AK7: variants seen among roughly 807,000 people sequenced by gnomAD.
AK7 encodes ATP-AMP transphosphorylase 7.
Under a neutral mutation model 96.6 loss-of-function variants are expected in AK7, and 78 were observed. The ratio of observed to expected loss-of-function variants is 0.81; its 90% CI spans 0.67 to 0.97. The LOEUF is 0.97. Ranked by LOEUF, AK7 falls within the 50% of genes least tolerant of loss-of-function variation. AK7 has a pLI of 0.00. For missense variants in AK7, 855 were observed against 887.9 expected, an observed-to-expected ratio of 0.96 and a Z score of 0.47; for synonymous variants, 302 against 317.2, an observed-to-expected ratio of 0.95 and a Z score of 0.51.
intron 4 of AK7, among the ~76,000 whole-genome samples, chr14:96,418,421 G>C (rs1394091073): frequency 2.0e-5 from 3 of 151,146 alleles, no homozygotes; most frequent in Non-Finnish European, 4.4e-5. Context: ...TGATAATCTG[G>C]CTCTCACCTA....
intron 14 of AK7, among the ~76,000 whole-genome samples, chr14:96,478,183 A>C (rs1437944405): frequency 1.2e-5 from 1 of 84,564 alleles, no homozygotes; most frequent in South Asian, 4.2e-4. Context: ...GGACAGAGGG[A>C]GGGCGGGGGA....
intron 12 of AK7, among the ~76,000 whole-genome samples, chr14:96,460,912 CCT>C (rs1339133129): frequency 6.6e-6 from 1 of 152,222 alleles, no homozygotes; most frequent in Non-Finnish European, 1.5e-5. Context: ...CTCCTCCTCC[CCT>C]CCACCAGATC....
intron 3 of AK7, among the ~76,000 whole-genome samples, chr14:96,408,183 A>G (rs953894004): frequency 6.6e-6 from 1 of 152,158 alleles, no homozygotes; most frequent in Non-Finnish European, 1.5e-5. Context: ...TTCACTGAAC[A>G]GGGTTGCCTT....
chr14:96,457,995 G>A, intron 11 of AK7, 88 bp from the exon 12 acceptor site: 1 of 1,557,404 alleles, frequency 6.4e-7, no homozygotes, highest in Non-Finnish European at 8.7e-7. Flanking sequence ...TGGATCCCAA[G>A]CTTTTTCCAG....
chr14:96,422,031 CA>C (rs1891732537), intron 5 of AK7, among the ~76,000 whole-genome samples: 1 of 152,166 alleles, frequency 6.6e-6, no homozygotes, highest in Admixed American at 6.5e-5. Flanking sequence ...AAGCTGGGTC[CA>C]GGGGGGTCAC....
At chr14:96,458,288 T>G in intron 12 of AK7, 76 bp downstream of exon 12, 3 of 1,537,520 alleles carry the variant, frequency 2.0e-6, no homozygotes, top group Non-Finnish European at 2.6e-6. Context: ...TATAAAAGAC[T>G]GTTTAAAAAA....
intron 14 of AK7, among the ~76,000 whole-genome samples, chr14:96,476,906 G>A (rs1351661254): frequency 6.6e-6 from 1 of 152,158 alleles, no homozygotes; most frequent in Non-Finnish European, 1.5e-5. Flanking sequence ...TAACAAATGA[G>A]TATCATGTTA....
At chr14:96,419,251 A>G (rs1177535275) in intron 4 of AK7, among the ~76,000 whole-genome samples, 1 of 152,210 alleles carries the variant, frequency 6.6e-6, no homozygotes, top group Non-Finnish European at 1.5e-5. Flanking sequence ...TGCACATGCA[A>G]TGTCCTTTTT....
chr14:96,451,349 T>A (rs1893590497), intron 9 of AK7, 72 bp from the exon 10 acceptor site: 1 of 1,314,520 alleles, frequency 7.6e-7, no homozygotes, highest in African/African-American at 1.5e-5. Flanking sequence ...ATAACTGTAG[T>A]GATTTTGGTC....
At chr14:96,453,671 G>T (rs1392640094) in intron 10 of AK7, among the ~76,000 whole-genome samples, 1 of 152,180 alleles carries the variant, frequency 6.6e-6, no homozygotes, top group Non-Finnish European at 1.5e-5. Flanking sequence ...GGCTCCCAGT[G>T]TCCATCTGCT....
At chr14:96,447,636 T>C (rs1893321083) in intron 8 of AK7, among the ~76,000 whole-genome samples, 1 of 151,990 alleles carries the variant, frequency 6.6e-6, no homozygotes, top group Non-Finnish European at 1.5e-5. Flanking sequence ...TTGTTTTTAA[T>C]GTTTTAGAGA....
At position 96,456,429 on chromosome 14, in the gene AK7, A is replaced by G. The variant is rs114521420; in HGVS notation, c.1181A>G (p.His394Arg). 1.0e-3 allele frequency: 1,650 copies of G among 1,614,022 alleles called. 27 individuals carry two copies. In the East Asian group the frequency reaches 0.033, roughly 32 times the overall value. ...AKELANYYKL[H>R]HIQLKDVISE... ...GAATTGGCCAACTACTACAAACTGC[A>G]TCACATCCAACTGAAGGATGTCATT... The change falls in exon 11 of 18, where the codon CAT becomes CGT. Residue 394 changes from histidine to arginine, a missense_variant. Transcript: ENST00000267584.
At position 96,458,194 on chromosome 14, in the gene AK7, A is replaced by G; in HGVS notation, c.1339A>G (p.Ser447Gly). ...GGAGCTCCTAGATGGCATCAAGGAG[A>G]GCATGGAGCAGAATGCAGGTAACAC... ...AQELLDGIKE[S>G]MEQNAGQLDD... is the part of the protein sequence containing the mutation. The change falls in exon 12 of 18, where the codon AGC becomes GGC. Residue 447 changes from serine to glycine, a missense_variant. Transcript: ENST00000267584. 6.2e-7 allele frequency: 1 copy of G among 1,613,932 alleles called. No individual in the cohort carries two copies. Among genetic ancestry groups the G allele is most frequent in the Non-Finnish European group, 8.5e-7 (1 of 1,179,890 alleles).
At chr14:96,423,898 C>A in intron 5 of AK7, 2 of 1,011,466 alleles carry the variant, frequency 2.0e-6, no homozygotes. Context: ...CCCGAGCCCA[C>A]ATAATCCGGA....
rs1018421193 is a variant in AK7 at position 96,392,190 on chromosome 14, G to A, written c.36G>A (p.Glu12=). ...AAGAGGAAACTGCTGCTCTCACGGA[G>A]AAGGTTATCCGGACCCAGAGGGTGT... ...AEEEETAALT[E]KVIRTQRVFI... Residue 12 remains glutamate, a synonymous_variant, in exon 1 of 18, where the codon GAG becomes GAA. Transcript: ENST00000267584. The A allele has an allele frequency of 1.2e-6, 2 of 1,613,632 alleles. No homozygotes were observed. The highest frequency in any genetic ancestry group is 1.3e-5 in the African/African-American group (1 of 74,924).
At chr14:96,486,353 C>A (rs1339877865) in intron 16 of AK7, among the ~76,000 whole-genome samples, 1 of 152,158 alleles carries the variant, frequency 6.6e-6, no homozygotes. Flanking sequence ...CAACAATTTA[C>A]AAGTTATTAT....
At chr14:96,454,663 A>T (rs186252163) in intron 10 of AK7, among the ~76,000 whole-genome samples, 14,646 of 144,550 alleles carry the variant, frequency 0.1, 861 homozygotes, top group East Asian at 0.15. Flanking sequence ...TTTAAAAAAA[A>T]TTTTTTTTTT....
intron 5 of AK7, among the ~76,000 whole-genome samples, chr14:96,426,943 T>C (rs1452610924): frequency 1.3e-5 from 2 of 152,192 alleles, no homozygotes; most frequent in South Asian, 2.1e-4. Flanking sequence ...GACTGGGTAA[T>C]TTATAAAGAA....
chr14:96,458,135 A>C lies in AK7; in HGVS notation c.1280A>C (p.Glu427Ala), dbSNP rs1171406484. Reference sequence around the variant, plus strand: ...GGGGAAGGAGAAGAAGAAGTCGAAGAGGAAGAGGAGGAGGAGAATGTGGAA... The same window carrying C: ...GGGGAAGGAGAAGAAGAAGTCGAAGCGGAAGAGGAGGAGGAGAATGTGGAA... ...DVGEGEEEVE[E>A]EEEEENVEDA... Residue 427 changes from glutamate (E) to alanine (A), a missense_variant, in exon 12 of 18, where the codon GAG (glutamate) becomes GCG (alanine). By Grantham distance (107) the Glu-to-Ala change is moderately radical. Transcript: ENST00000267584. The C allele has an allele frequency of 6.2e-7, 1 of 1,614,050 alleles. No homozygotes were observed. Among genetic ancestry groups the C allele is most frequent in the Admixed American group, 1.7e-5 (1 of 60,012 alleles).
Sources: allele counts gnomAD v4.1 joint callset (sites outside exome capture counted in the v4.1 genomes callset), GRCh38; gene constraint gnomAD v4.1.1; transcripts MANE v1.5; gene names NCBI Gene and HGNC (gene_info 2026-07-23, HGNC 2026-07-21).